Variants in F2R observed in about 807,000 individuals in gnomAD.
The protein encoded by F2R is coagulation factor II thrombin receptor, also known as proteinase-activated receptor 1.
Under a neutral mutation model 18.3 loss-of-function variants are expected in F2R, and 12 were observed. That is an observed-to-expected ratio of 0.66 (90% CI 0.42 to 1.06). The LOEUF is 1.06. F2R is among the 50% of genes least tolerant of loss of function. The pLI is 0.00. For missense variants in F2R, 438 were observed against 530.8 expected, an observed-to-expected ratio of 0.83 and a Z score of 1.72; for synonymous variants, 210 against 219.9, an observed-to-expected ratio of 0.95 and a Z score of 0.40.
At chr5:76,716,840 CA>C in intron 1 of F2R, 1 of 530,902 alleles carries the variant, frequency 1.9e-6, no homozygotes, top group Non-Finnish European at 3.3e-6. Flanking sequence ...TTTTTTCTTG[CA>C]CATTTTACAG....
At chr5:76,716,454 G>T (rs1220263705) in intron 1 of F2R, 59 bp downstream of exon 1, 1 of 1,320,016 alleles carries the variant, frequency 7.6e-7, no homozygotes, top group African/African-American at 1.5e-5. Flanking sequence ...GAGACTGCGG[G>T]GGTCACTGTT....
intron 1 of F2R, among the ~76,000 whole-genome samples, chr5:76,717,818 T>G (rs2150579472): frequency 6.6e-6 from 1 of 152,334 alleles, no homozygotes; most frequent in South Asian, 2.1e-4. Flanking sequence ...GCTGCACCCT[T>G]TCTCACAGTG....
At chr5:76,718,655 C>T (rs1182116978) in intron 1 of F2R, among the ~76,000 whole-genome samples, 2 of 152,202 alleles carry the variant, frequency 1.3e-5, no homozygotes, top group African/African-American at 4.8e-5. Flanking sequence ...CCCATGGTGA[C>T]TAAAACAAAT....
chr5:76,717,704 A>G lies in F2R; in HGVS notation c.88+1309A>G, dbSNP rs142408731. Among the ~76,000 whole-genome samples, 477 of 152,312 alleles carry G rather than the reference A, an allele frequency of 3.1e-3. 4 individuals are homozygous for G. The Middle Eastern group carries it at 0.041, about 13-fold the overall frequency. ...TTTGCGATGAGATATGATTTCACAT[A>G]CCATTATGTAATTTGCACAATGTAG... On this transcript the variant is annotated intron_variant, in intron 1 of 1. Transcript: ENST00000319211.
At chr5:76,718,980 T>C (rs554970080) in intron 1 of F2R, among the ~76,000 whole-genome samples, 1 of 152,036 alleles carries the variant, frequency 6.6e-6, no homozygotes, top group Non-Finnish European at 1.5e-5. Context: ...TCCAGCCATC[T>C]CCTATTACTC....
At position 76,733,117 on chromosome 5, in the gene F2R, A is replaced by C; in HGVS notation, c.892A>C (p.Ser298Arg). Residue 298 changes from serine (S) to arginine (R), a missense_variant, in exon 2 of 2, where the codon AGC becomes CGC. Transcript: ENST00000319211. ...TTATGTGTCTATCATTCGATGTCTTAGCTCTTCCGCAGTTGCCAACCGCAG... is the reference window on the plus strand; with the variant it reads ...TTATGTGTCTATCATTCGATGTCTTCGCTCTTCCGCAGTTGCCAACCGCAG... ...VCYVSIIRCLSSSAVANRSKK... is the reference protein window; with the variant it reads ...VCYVSIIRCLRSSAVANRSKK... The C allele has an allele frequency of 6.2e-7, 1 of 1,614,114 alleles. No individual in the cohort carries two copies. The highest frequency in any genetic ancestry group is 8.5e-7 in the Non-Finnish European group (1 of 1,180,022).
chr5:76,719,907 A>G (rs184410018), intron 1 of F2R, among the ~76,000 whole-genome samples: 416 of 152,314 alleles, frequency 2.7e-3, no homozygotes, highest in African/African-American at 9.8e-3. Flanking sequence ...GCAGGCTCTG[A>G]AAAGATCCCT....
At chr5:76,729,003 T>C (rs1748622338) in intron 1 of F2R, among the ~76,000 whole-genome samples, 3 of 152,218 alleles carry the variant, frequency 2.0e-5, no homozygotes, top group Admixed American at 2.0e-4. Flanking sequence ...CATCCTAATT[T>C]TATTTCCTTT....
At chr5:76,731,747 C>A (rs1368685496) in intron 1 of F2R, among the ~76,000 whole-genome samples, 1 of 152,050 alleles carries the variant, frequency 6.6e-6, no homozygotes, top group African/African-American at 2.4e-5. Context: ...CCAGGCTAGT[C>A]TTGAACTCCT....
At position 76,735,167 on chromosome 5, in the gene F2R, A is replaced by C. The variant is rs1379970757; in HGVS notation, c.*1664A>C. 1 of 152,330 alleles carries C rather than the reference A, an allele frequency of 6.6e-6. No individual in the cohort carries two copies. The highest frequency in any genetic ancestry group is 2.4e-5 in the African/African-American group (1 of 41,460). 9.4% of individuals were successfully genotyped at this position (152,330 alleles called of 1,614,324 possible). A position where few individuals can be genotyped will look rare whatever the true frequency, so the allele number is the denominator to read the frequency against. On this transcript the variant is annotated 3_prime_UTR_variant, in exon 2 of 2. Transcript: ENST00000319211. ...ATTTTAAACAAAATAGAAAGTTGCA[A>C]GGCAAATGTTTATTTAAAAGAGCAG... is the stretch of plus-strand genomic sequence containing the variant.
At chr5:76,716,932 C>A in intron 1 of F2R, 1 of 464,910 alleles carries the variant, frequency 2.2e-6, no homozygotes, top group Non-Finnish European at 3.8e-6. Context: ...GCCCCCGGCC[C>A]GGCCTTGTGT....
At chr5:76,729,420 G>A (rs572374941) in intron 1 of F2R, among the ~76,000 whole-genome samples, 12 of 152,262 alleles carry the variant, frequency 7.9e-5, no homozygotes, top group African/African-American at 2.6e-4. Context: ...TTTATCAGAC[G>A]TATGGTTTGC....
chr5:76,732,190 T>C (rs910880863), intron 1 of F2R, 124 bp from the exon 2 acceptor site: 2 of 703,558 alleles, frequency 2.8e-6, no homozygotes, highest in Non-Finnish European at 4.6e-6. Flanking sequence ...TTATCTGCTC[T>C]TTACCACCCA....
chr5:76,727,429 G>C (rs960415936), intron 1 of F2R, among the ~76,000 whole-genome samples: 2 of 152,176 alleles, frequency 1.3e-5, no homozygotes, highest in African/African-American at 2.4e-5. Flanking sequence ...GAGATTAACA[G>C]GAACAGTTCT....
intron 1 of F2R, 115 bp from the exon 2 acceptor site, chr5:76,732,199 C>A (rs1748680162): frequency 8.1e-6 from 6 of 740,326 alleles, no homozygotes; most frequent in Non-Finnish European, 1.3e-5. Context: ...CTTTACCACC[C>A]ACTCTCCTAG....
intron 1 of F2R, 136 bp from the exon 2 acceptor site, chr5:76,732,178 C>T (rs1748679018): frequency 1.6e-6 from 1 of 642,618 alleles, no homozygotes; most frequent in South Asian, 2.1e-5. Context: ...TCTATTTGTG[C>T]ATTATCTGCT....
intron 1 of F2R, among the ~76,000 whole-genome samples, chr5:76,718,825 G>C (rs1459755058): frequency 6.6e-6 from 1 of 152,230 alleles, no homozygotes; most frequent in African/African-American, 2.4e-5. Flanking sequence ...GAGGGTTAAA[G>C]TGTTCAAGAA....
chr5:76,730,783 C>A (rs970030432), intron 1 of F2R, among the ~76,000 whole-genome samples: 3 of 152,222 alleles, frequency 2.0e-5, no homozygotes, highest in African/African-American at 7.2e-5. Flanking sequence ...TCTGACCACA[C>A]TATACATTGG....
chr5:76,720,943 G>A (rs947563951), intron 1 of F2R, among the ~76,000 whole-genome samples: 1 of 152,030 alleles, frequency 6.6e-6, no homozygotes. Flanking sequence ...GAGTAGCTGG[G>A]CTACAGGCAC....
Sources: gnomAD v4.1 joint callset for allele counts (sites outside exome capture counted in the v4.1 genomes callset) on GRCh38, gnomAD v4.1.1 for gene constraint, MANE v1.5 for transcripts, NCBI Gene and HGNC (gene_info 2026-07-23, HGNC 2026-07-21) for gene names.